The following DOCK10 variants were observed in gnomAD, a reference collection of about 807,000 sequenced individuals.
DOCK10 encodes dedicator of cytokinesis protein 10.
Under a neutral mutation model 280.1 loss-of-function variants are expected in DOCK10, and 145 were observed. That is an observed-to-expected ratio of 0.52 (90% CI 0.45 to 0.59). The LOEUF is 0.59. Among genes scored for constraint, DOCK10 ranks in the 20% least tolerant of loss-of-function variants. The pLI, the probability that DOCK10 is intolerant of heterozygous loss-of-function variation, is 0.00. For synonymous variants in DOCK10, 915 were observed against 942.2 expected, an observed-to-expected ratio of 0.97 and a Z score of 0.53; for missense variants, 2,368 against 2,651.7, an observed-to-expected ratio of 0.89 and a Z score of 2.35.
intron 1 of DOCK10, among the ~76,000 whole-genome samples, chr2:224,933,362 C>A (rs1194647613): frequency 6.6e-6 from 1 of 152,138 alleles, no homozygotes; most frequent in Non-Finnish European, 1.5e-5. Context: ...GTTTGGTTTG[C>A]CACCCACATT....
intron 28 of DOCK10, among the ~76,000 whole-genome samples, chr2:224,820,713 G>A (rs1489808389): frequency 6.6e-6 from 1 of 152,190 alleles, no homozygotes; most frequent in African/African-American, 2.4e-5. Context: ...AGCTATTTAA[G>A]CCAAGTAGAG....
chr2:224,910,705 C>T (rs1217585823), intron 3 of DOCK10, among the ~76,000 whole-genome samples: 1 of 152,146 alleles, frequency 6.6e-6, no homozygotes, highest in Non-Finnish European at 1.5e-5. Flanking sequence ...TCTCTGGGAC[C>T]ATTTCCCAGT....
chr2:224,828,922 T>C (rs999312814), intron 27 of DOCK10, among the ~76,000 whole-genome samples: 1 of 151,684 alleles, frequency 6.6e-6, no homozygotes, highest in Non-Finnish European at 1.5e-5. Flanking sequence ...TTCCAATGAA[T>C]AGTCATGGTT....
At chr2:224,887,247 C>T (rs879288727) in intron 4 of DOCK10, among the ~76,000 whole-genome samples, 3 of 152,100 alleles carry the variant, frequency 2.0e-5, no homozygotes, top group Admixed American at 6.5e-5. Context: ...CAAGGGTACA[C>T]AGTAGTCACT....
At chr2:224,936,507 A>G (rs1317990636) in intron 1 of DOCK10, among the ~76,000 whole-genome samples, 5 of 152,208 alleles carry the variant, frequency 3.3e-5, no homozygotes, top group Non-Finnish European at 5.9e-5. Context: ...GAGAAACAGT[A>G]AATCATCATG....
intron 50 of DOCK10, among the ~76,000 whole-genome samples, chr2:224,783,180 G>A (rs965577222): frequency 3.9e-5 from 6 of 152,164 alleles, no homozygotes; most frequent in African/African-American, 1.4e-4. Flanking sequence ...TTGTTCAAAG[G>A]TGGCTGAGTT....
intron 1 of DOCK10, among the ~76,000 whole-genome samples, chr2:224,964,278 T>G (rs1306394197): frequency 6.6e-6 from 1 of 152,224 alleles, no homozygotes; most frequent in Non-Finnish European, 1.5e-5. Flanking sequence ...AACTTTAATG[T>G]GTTGTTCATT....
At chr2:224,863,544 C>T (rs1035068098) in intron 13 of DOCK10, among the ~76,000 whole-genome samples, 4 of 152,132 alleles carry the variant, frequency 2.6e-5, no homozygotes, top group African/African-American at 9.7e-5. Context: ...GCTCCGCCTC[C>T]CGGGTTCACG....
chr2:225,034,879 C>T (rs1375754636), intron 1 of DOCK10, among the ~76,000 whole-genome samples: 1 of 152,122 alleles, frequency 6.6e-6, no homozygotes, highest in Non-Finnish European at 1.5e-5. Context: ...GGAGGAGTAA[C>T]ATTCACCTCA....
intron 23 of DOCK10, among the ~76,000 whole-genome samples, chr2:224,841,338 A>G (rs1695950055): frequency 6.6e-6 from 1 of 152,360 alleles, no homozygotes; most frequent in South Asian, 2.1e-4. Flanking sequence ...ATTTCCAAAC[A>G]TCATACTGTA....
intron 7 of DOCK10, among the ~76,000 whole-genome samples, chr2:224,878,246 C>A (rs1358242264): frequency 6.6e-6 from 1 of 152,186 alleles, no homozygotes; most frequent in East Asian, 1.9e-4. Flanking sequence ...ACAACAATTA[C>A]TAAATACTGG....
chr2:224,811,738 A>T (rs1184437213), intron 31 of DOCK10, among the ~76,000 whole-genome samples: 1 of 152,092 alleles, frequency 6.6e-6, no homozygotes, highest in African/African-American at 2.4e-5. Context: ...TTTATTAAAT[A>T]GGGAATCCTT....
intron 1 of DOCK10, among the ~76,000 whole-genome samples, chr2:224,941,285 C>G (rs2126073921): frequency 6.6e-6 from 1 of 151,938 alleles, no homozygotes; most frequent in Admixed American, 6.6e-5. Context: ...ACATTCTAAC[C>G]CAGCTCAGTT....
intron 1 of DOCK10, among the ~76,000 whole-genome samples, chr2:224,991,020 C>T (rs1428291451): frequency 2.0e-5 from 3 of 152,218 alleles, no homozygotes; most frequent in Non-Finnish European, 2.9e-5. Flanking sequence ...CTGAACTAAG[C>T]TCACAGTGAC....
chr2:224,957,017 AG>A (rs1704078382), intron 1 of DOCK10, among the ~76,000 whole-genome samples: 1 of 152,194 alleles, frequency 6.6e-6, no homozygotes, highest in Admixed American at 6.5e-5. Flanking sequence ...TGTCTAAATC[AG>A]GGTTTCTTAA....
At chr2:224,814,863 CTAA>C (rs1374078598) in intron 30 of DOCK10, among the ~76,000 whole-genome samples, 2 of 152,126 alleles carry the variant, frequency 1.3e-5, no homozygotes, top group African/African-American at 4.8e-5. Flanking sequence ...CAGAATTATT[CTAA>C]TTGTTAGCTT....
intron 1 of DOCK10, among the ~76,000 whole-genome samples, chr2:225,012,814 C>T: frequency 6.6e-6 from 1 of 152,008 alleles, no homozygotes; most frequent in Admixed American, 6.6e-5. Context: ...CCCATTTGTA[C>T]AAAAAAGAAA....
At chr2:224,957,439 T>C (rs1327252779) in intron 1 of DOCK10, among the ~76,000 whole-genome samples, 1 of 152,124 alleles carries the variant, frequency 6.6e-6, no homozygotes, top group African/African-American at 2.4e-5. Flanking sequence ...TACAAATGTG[T>C]ATCATCACAC....
chr2:224,808,891 G>A (rs555126258), intron 31 of DOCK10, among the ~76,000 whole-genome samples: 1 of 152,100 alleles, frequency 6.6e-6, no homozygotes, highest in African/African-American at 2.4e-5. Context: ...CAATGGGGGA[G>A]GGAGGGGGCA....
Sources: allele counts gnomAD v4.1 joint callset (sites outside exome capture counted in the v4.1 genomes callset), GRCh38; gene constraint gnomAD v4.1.1; transcripts MANE v1.5; gene names NCBI Gene and HGNC (gene_info 2026-07-23, HGNC 2026-07-21).